The following A2M variants were observed in gnomAD, a reference collection of about 807,000 sequenced individuals.
A2M encodes the protein alpha-2-macroglobulin.
A2M carries 128 observed loss-of-function variants against 183.9 expected under a neutral mutation model. The observed-to-expected ratio is 0.70, with a 90% CI of 0.60 to 0.81. The LOEUF (loss-of-function observed/expected upper bound fraction) is 0.81. Ranked by LOEUF, A2M falls within the 30% of genes least tolerant of loss-of-function variation. The pLI is 0.00. For missense variants in A2M, 1,495 were observed against 1,787.6 expected (o/e 0.84, Z 2.95); for synonymous variants, 592 against 670.8 (o/e 0.88, Z 1.81).
chr12:9,076,941 G>A lies in A2M; in HGVS notation c.3352-5C>T. On this transcript the variant is annotated splice_region_variant and splice_polypyrimidine_tract_variant and intron_variant, in intron 27 of 35. Coordinates refer to ENST00000318602, the MANE Select transcript of A2M (RefSeq NM_000014.6). ...GGCATTGCGGACAACAGGGTGCTGT[G>A]AAGGCAGAACAAGAAGGGAACTAAG... 1 of 1,573,268 alleles carries A rather than the reference G, an allele frequency of 6.4e-7. No individual in the cohort carries two copies. The highest frequency in any genetic ancestry group is 1.2e-5 in the South Asian group (1 of 84,090).
intron 1 of A2M, among the ~76,000 whole-genome samples, chr12:9,113,922 C>T (rs1938933444): frequency 6.6e-6 from 1 of 152,174 alleles, no homozygotes; most frequent in Non-Finnish European, 1.5e-5. Context: ...GCGGACATTA[C>T]AAAAACTAAT....
At position 9,095,626 on chromosome 12, in the gene A2M, G is replaced by A. The variant is rs777218167; in HGVS notation, c.1926C>T (p.Cys642=). The A allele has an allele frequency of 2.5e-6, 4 of 1,609,866 alleles. No homozygotes were observed. The South Asian group carries it at 4.4e-5, about 18-fold the overall frequency. Residue 642 remains cysteine, a synonymous_variant, in exon 16 of 36, where the codon TGC becomes TGT. Coordinates refer to ENST00000318602, the MANE Select transcript of A2M (RefSeq NM_000014.6). ...TAATATAGACATTATGACGATTGAT[G>A]CAGTCTTCATTGTCCTGGTCATTCA... ...GPLNDQDNED[C]INRHNVYING...
chr12:9,113,630 A>C (rs755505387), intron 1 of A2M, 87 bp from the exon 2 acceptor site: 3 of 1,295,014 alleles, frequency 2.3e-6, no homozygotes, highest in Non-Finnish European at 3.3e-6. Context: ...CATAATTATC[A>C]TCATCAGTTC....
intron 34 of A2M, 139 bp from the exon 35 acceptor site, chr12:9,068,363 A>G (rs1377850975): frequency 3.5e-6 from 3 of 854,230 alleles, no homozygotes; most frequent in Non-Finnish European, 5.4e-6. Context: ...AGCATCATTC[A>G]TCTGATGTGT....
chr12:9,103,021 C>T (rs972919513), intron 11 of A2M, among the ~76,000 whole-genome samples: 5 of 152,038 alleles, frequency 3.3e-5, no homozygotes, highest in Non-Finnish European at 7.4e-5. Context: ...CTACATCTCT[C>T]TTGATGAATA....
chr12:9,110,249 A>G (rs1403059252), intron 5 of A2M, 65 bp downstream of exon 5: 2 of 1,317,736 alleles, frequency 1.5e-6, no homozygotes. Flanking sequence ...AAAACCTCTG[A>G]AATAAGAACA....
rs200419261 is a variant in A2M at position 9,076,794 on chromosome 12, T to C, written c.3494A>G (p.Glu1165Gly). Residue 1165 changes from glutamate (E) to glycine (G), a missense_variant, in exon 28 of 36, where the codon GAA becomes GGA. Physicochemically the swap from Glu to Gly is moderately conservative, Grantham distance 98. Coordinates refer to ENST00000318602, the MANE Select transcript of A2M (RefSeq NM_000014.6). ...TTCCTCATTAAGTGACTTGAGTACT[T>C]CCTTCCTCTTGTCCTGGTTACCTGC... Reference protein sequence around the residue: ...ALAGNQDKRKEVLKSLNEEAV... With the variant: ...ALAGNQDKRKGVLKSLNEEAV... 2.4e-4 allele frequency: 395 copies of C among 1,613,934 alleles called. 1 individual carries two copies. The East Asian group carries it at 2.8e-3, about 11-fold the overall frequency.
At position 9,106,531 on chromosome 12, in the gene A2M, C is replaced by A. The variant is rs763080797; in HGVS notation, c.954G>T (p.Met318Ile). Reference sequence around the variant, plus strand: ...GGATCTGGGCCTCAGTGTGAAGTTTCATTTCATACTCCTTCCTCTTCAGCT... The same window carrying A: ...GGATCTGGGCCTCAGTGTGAAGTTTAATTTCATACTCCTTCCTCTTCAGCT... ...VFQLKRKEYE[M>I]KLHTEAQIQE... The change falls in exon 9 of 36, where the codon ATG (methionine) becomes ATT (isoleucine). Residue 318 changes from methionine (M) to isoleucine (I), a missense_variant. By Grantham distance (10) the Met-to-Ile change is conservative. Coordinates refer to ENST00000318602, the MANE Select transcript of A2M (RefSeq NM_000014.6). 3.1e-6 allele frequency: 5 copies of A among 1,598,628 alleles called. No homozygotes were observed. The Admixed American group carries it at 6.9e-5, about 22-fold the overall frequency.
intron 31 of A2M, among the ~76,000 whole-genome samples, chr12:9,071,173 C>T (rs867415293): frequency 2.6e-4 from 40 of 152,074 alleles, no homozygotes; most frequent in Middle Eastern, 3.2e-3. Flanking sequence ...TGTTTGTGAC[C>T]TCTAATCTAT....
At chr12:9,072,017 C>G (rs1346140683) in intron 31 of A2M, among the ~76,000 whole-genome samples, 1 of 152,110 alleles carries the variant, frequency 6.6e-6, no homozygotes, top group Non-Finnish European at 1.5e-5. Flanking sequence ...TCCTTCTATT[C>G]AAACTTTTCA....
chr12:9,112,889 C>T (rs771487830), intron 2 of A2M, among the ~76,000 whole-genome samples: 51 of 152,216 alleles, frequency 3.4e-4, no homozygotes, highest in Admixed American at 1.0e-3. Flanking sequence ...AAAAAAACCC[C>T]GTATTTTACT....
chr12:9,115,882 CTG>C lies in A2M; in HGVS notation c.-35_-34del. ...AAAGAAGGAGCTGGAGGAGAACAGA[CTG>C]TATTGTACCCTACTCCCTACAATCC... On this transcript the variant is annotated 5_prime_UTR_variant, in exon 1 of 36. Coordinates refer to ENST00000318602, the MANE Select transcript of A2M (RefSeq NM_000014.6). 2 of 1,539,286 alleles carry C rather than the reference CTG, an allele frequency of 1.3e-6. No homozygotes were observed. The highest frequency in any genetic ancestry group is 1.8e-6 in the Non-Finnish European group (2 of 1,112,534).
Position 9,068,798 on chromosome 12 carries a change from A to G in A2M, c.4308T>C (p.Asp1436=), listed in dbSNP as rs976898073. The G allele has an allele frequency of 3.1e-6, 5 of 1,609,072 alleles. No individual in the cohort carries two copies. Among genetic ancestry groups the G allele is most frequent in the Admixed American group, 1.7e-5 (1 of 59,472 alleles). Residue 1436 remains aspartate (D), a synonymous_variant, in exon 34 of 36, where the codon GAT becomes GAC. Transcript: ENST00000318602. ...CTGGTTTCAGATCTCTTACTGGGAC[A>G]TCTTGCAGAACCGTGAAGAACAAGC... is the stretch of plus-strand genomic sequence containing the variant. ...TLSLFFTVLQ[D]VPVRDLKPAI... is the part of the protein sequence containing the mutation.
chr12:9,102,883 A>G (rs1240346543), intron 11 of A2M, among the ~76,000 whole-genome samples: 2 of 152,228 alleles, frequency 1.3e-5, no homozygotes, highest in African/African-American at 2.4e-5. Context: ...TTAAAGCTAA[A>G]TAAATAAAAT....
chr12:9,105,678 G>A (rs993812769), intron 10 of A2M, among the ~76,000 whole-genome samples: 1 of 152,108 alleles, frequency 6.6e-6, no homozygotes, highest in African/African-American at 2.4e-5. Context: ...TCAAAAATCT[G>A]AGAACCTTAA....
At position 9,106,599 on chromosome 12, in the gene A2M, T is replaced by A; in HGVS notation, c.886A>T (p.Ser296Cys). Residue 296 changes from serine (S) to cysteine (C), a missense_variant, in exon 9 of 36, where the codon AGC becomes TGC. By Grantham distance (112) the Ser-to-Cys change is moderately radical (BLOSUM62 -1). Transcript: ENST00000318602. ...FCEKFSGQLN[S>C]HGCFYQQVKT... ...ACTTGCTGATAGAAGCAGCCATGGCTGTTTAGCTAAGAAGGGAGAAAATAA... is the reference window on the plus strand; with the variant it reads ...ACTTGCTGATAGAAGCAGCCATGGCAGTTTAGCTAAGAAGGGAGAAAATAA... 1 of 1,546,216 alleles carries A rather than the reference T, an allele frequency of 6.5e-7. No homozygotes were observed. Among genetic ancestry groups the A allele is most frequent in the Non-Finnish European group, 8.8e-7 (1 of 1,131,306 alleles).
chr12:9,080,204 T>G, intron 22 of A2M, 27 bp from the exon 23 acceptor site: 1 of 1,450,386 alleles, frequency 6.9e-7, no homozygotes, highest in Non-Finnish European at 9.5e-7. Flanking sequence ...ATCAGACATA[T>G]GAAAATTATT....
chr12:9,107,121 G>T (rs1441589235), intron 8 of A2M, among the ~76,000 whole-genome samples: 1 of 152,080 alleles, frequency 6.6e-6, no homozygotes, highest in Non-Finnish European at 1.5e-5. Flanking sequence ...TTCAGCTGTG[G>T]CTGGGAAGCG....
At chr12:9,094,871 A>G (rs1949325995) in intron 17 of A2M, 102 bp downstream of exon 17, 1 of 557,826 alleles carries the variant, frequency 1.8e-6, no homozygotes, top group East Asian at 3.2e-5. Flanking sequence ...TATGACTCAC[A>G]TGTCCTTTTT....
Sources: gnomAD v4.1 joint callset for allele counts (sites outside exome capture counted in the v4.1 genomes callset) on GRCh38, gnomAD v4.1.1 for gene constraint, MANE v1.5 for transcripts, NCBI Gene and HGNC (gene_info 2026-07-23, HGNC 2026-07-21) for gene names.